The following ADAMTS17 variants were observed in gnomAD, a reference collection of about 807,000 sequenced individuals.
ADAMTS17 encodes the protein ADAM metallopeptidase with thrombospondin type 1 motif 17.
In ADAMTS17, 113 loss-of-function variants were observed where a neutral mutation model predicts 141.5. The observed-to-expected ratio is 0.80, with a 90% CI of 0.69 to 0.93. The LOEUF is 0.93. Among genes scored for constraint, ADAMTS17 ranks in the 40% least tolerant of loss-of-function variants. The pLI, the probability that ADAMTS17 is intolerant of heterozygous loss-of-function variation, is 0.00. For missense variants in ADAMTS17, 1,659 were observed against 1,517.9 expected, an observed-to-expected ratio of 1.09 and a Z score of -1.54; for synonymous variants, 768 against 630.6, an observed-to-expected ratio of 1.22 and a Z score of -3.27.
At chr15:100,240,045 T>A (rs191601086) in intron 7 of ADAMTS17, among the ~76,000 whole-genome samples, 71 of 152,266 alleles carry the variant, frequency 4.7e-4, no homozygotes, top group African/African-American at 1.6e-3. Flanking sequence ...GTGCGGCAGA[T>A]CAGTGAGCCT....
chr15:100,335,099 G>C (rs979369460), intron 2 of ADAMTS17, among the ~76,000 whole-genome samples: 1 of 152,112 alleles, frequency 6.6e-6, no homozygotes, highest in Admixed American at 6.5e-5. Flanking sequence ...GAACTTGTGA[G>C]AAATGCAAGC....
chr15:100,025,082 A>C (rs569398835), intron 18 of ADAMTS17, among the ~76,000 whole-genome samples: 1 of 152,174 alleles, frequency 6.6e-6, no homozygotes, highest in Non-Finnish European at 1.5e-5. Flanking sequence ...CCTATAGCCA[A>C]TACATTTCTC....
At chr15:100,143,552 G>A (rs1168455133) in intron 10 of ADAMTS17, among the ~76,000 whole-genome samples, 3 of 152,168 alleles carry the variant, frequency 2.0e-5, no homozygotes, top group African/African-American at 4.8e-5. Context: ...GCTAAAAGAG[G>A]AGACAGCTGT....
intron 15 of ADAMTS17, among the ~76,000 whole-genome samples, chr15:100,073,389 C>T (rs9707851): frequency 0.88 from 134,530 of 152,082 alleles, 60,047 homozygotes; most frequent in South Asian, 0.97. Context: ...GAAATACCAT[C>T]TGACCCAGCC....
At chr15:100,000,124 A>G (rs960797069) in intron 18 of ADAMTS17, among the ~76,000 whole-genome samples, 1 of 152,146 alleles carries the variant, frequency 6.6e-6, no homozygotes, top group African/African-American at 2.4e-5. Context: ...ACTCTTAGCT[A>G]TCATTGCTGT....
intron 3 of ADAMTS17, among the ~76,000 whole-genome samples, chr15:100,297,448 A>G (rs528476951): frequency 6.6e-6 from 1 of 152,302 alleles, no homozygotes. Context: ...GAAAACGGAC[A>G]ATATCTGGAC....
chr15:100,069,191 GA>G (rs1298030430), intron 15 of ADAMTS17, among the ~76,000 whole-genome samples: 8 of 152,116 alleles, frequency 5.3e-5, no homozygotes, highest in Admixed American at 6.5e-5. Context: ...GAAGTTTAGA[GA>G]AAAAAGAATA....
At chr15:100,186,331 G>T (rs915714917) in intron 8 of ADAMTS17, among the ~76,000 whole-genome samples, 2 of 152,202 alleles carry the variant, frequency 1.3e-5, no homozygotes, top group African/African-American at 4.8e-5. Context: ...CCATTTACCA[G>T]TGGAGTGTCC....
chr15:99,996,467 A>G (rs1052159292), intron 19 of ADAMTS17, among the ~76,000 whole-genome samples: 1 of 152,234 alleles, frequency 6.6e-6, no homozygotes, highest in African/African-American at 2.4e-5. Context: ...AAATCAAACA[A>G]CAAAATCTCA....
intron 20 of ADAMTS17, among the ~76,000 whole-genome samples, chr15:99,986,757 G>T (rs61169349): frequency 0.038 from 5,826 of 152,182 alleles, 390 homozygotes; most frequent in African/African-American, 0.13. Context: ...TAGAAAGAAA[G>T]GAGATTTCCT....
At chr15:100,162,078 C>T (rs2039715945) in intron 8 of ADAMTS17, among the ~76,000 whole-genome samples, 1 of 152,030 alleles carries the variant, frequency 6.6e-6, no homozygotes, top group South Asian at 2.1e-4. Flanking sequence ...AAATAATGAC[C>T]AATATAGTGT....
chr15:100,242,786 CCTCT>C (rs1337186333), intron 7 of ADAMTS17, among the ~76,000 whole-genome samples: 6 of 152,190 alleles, frequency 3.9e-5, no homozygotes, highest in African/African-American at 7.2e-5. Context: ...AACACTGCTC[CCTCT>C]GTCATCTTAC....
intron 3 of ADAMTS17, among the ~76,000 whole-genome samples, chr15:100,300,843 T>C (rs1218520276): frequency 6.6e-6 from 1 of 152,226 alleles, no homozygotes; most frequent in East Asian, 1.9e-4. Context: ...AACTTGTATG[T>C]ACACCCCAAG....
rs1596306870 is a variant in ADAMTS17, at chr15:100,220,691, C to T, written c.1076-21268G>A. 3.9e-5 allele frequency among the ~76,000 whole-genome samples: 6 copies of T among 152,274 alleles called. No homozygotes were observed. In the South Asian group the frequency reaches 1.2e-3, roughly 32 times the overall value. On this transcript the variant is annotated intron_variant, in intron 7 of 21. Transcript: ENST00000268070. ...CACAGCCCACTTCCTCCTCCCCGAG[C>T]CCCTGGCACCCACTAATCTACTTTG...
chr15:100,080,353 A>G (rs1384277314), intron 15 of ADAMTS17, among the ~76,000 whole-genome samples: 5 of 152,196 alleles, frequency 3.3e-5, no homozygotes, highest in Non-Finnish European at 2.9e-5. Context: ...GACCTGGACT[A>G]TCAAGATGAA....
intron 8 of ADAMTS17, among the ~76,000 whole-genome samples, chr15:100,184,786 T>C (rs1157696575): frequency 1.3e-5 from 2 of 152,156 alleles, no homozygotes; most frequent in African/African-American, 2.4e-5. Context: ...AGACTTCCCG[T>C]AGCCCCCTGT....
At position 99,971,492 on chromosome 15, in the gene ADAMTS17, AATTTTTC is replaced by A; in HGVS notation, c.*2903_*2909del. Reference sequence around the variant, plus strand: ...TCAACTTGCTTCCAATGAAATGATTAATTTTTCTATATAATTTTCATGTATAATGGCG... The same window carrying A: ...TCAACTTGCTTCCAATGAAATGATTATATATAATTTTCATGTATAATGGCG... On this transcript the variant is annotated 3_prime_UTR_variant, in exon 22 of 22. Coordinates refer to ENST00000268070, the MANE Select transcript of ADAMTS17 (RefSeq NM_139057.4). 6.6e-6 allele frequency: 1 copy of A among 152,318 alleles called. No individual in the cohort carries two copies. The highest frequency in any genetic ancestry group is 1.5e-5 in the Non-Finnish European group (1 of 68,024). The allele number at this position is 152,318 out of a possible 1,614,324, so 9.4% of individuals were successfully genotyped here.
At chr15:100,203,704 CAAACAAAACA>C (rs111810384) in intron 7 of ADAMTS17, among the ~76,000 whole-genome samples, 1 of 151,996 alleles carries the variant, frequency 6.6e-6, no homozygotes, top group Admixed American at 6.6e-5. Flanking sequence ...GACTCTTTCT[CAAACAAAACA>C]AAACAAAACA....
chr15:100,264,924 C>T (rs2043657053), intron 4 of ADAMTS17, among the ~76,000 whole-genome samples: 1 of 152,166 alleles, frequency 6.6e-6, no homozygotes, highest in African/African-American at 2.4e-5. Context: ...TACCGAACCA[C>T]ACAGTTAAAA....
Sources: allele counts gnomAD v4.1 joint callset (sites outside exome capture counted in the v4.1 genomes callset), GRCh38; gene constraint gnomAD v4.1.1; transcripts MANE v1.5; gene names NCBI Gene and HGNC (gene_info 2026-07-23, HGNC 2026-07-21).